Variants in PRKN observed in about 807,000 individuals in gnomAD.
The protein encoded by PRKN is parkin RBR E3 ubiquitin protein ligase, also known as E3 ubiquitin-protein ligase parkin.
In PRKN, 56 loss-of-function variants were observed where a neutral mutation model predicts 59.5. The observed-to-expected ratio is 0.94, with a 90% CI of 0.76 to 1.18. The LOEUF (loss-of-function observed/expected upper bound fraction) is 1.18. Among genes scored for constraint, PRKN ranks in the 50% most tolerant of loss-of-function variants. The pLI is 0.00. For synonymous variants in PRKN, 250 were observed against 222.1 expected, an observed-to-expected ratio of 1.13 and a Z score of -1.12; for missense variants, 657 against 596.4, an observed-to-expected ratio of 1.10 and a Z score of -1.06.
At chr6:162,329,339 G>A (rs995502310) in intron 2 of PRKN, among the ~76,000 whole-genome samples, 12 of 152,102 alleles carry the variant, frequency 7.9e-5, no homozygotes, top group African/African-American at 4.8e-5. Context: ...TAGCCAGTGG[G>A]CATATACGCA....
chr6:162,009,941 A>G (rs1782421207), intron 5 of PRKN, among the ~76,000 whole-genome samples: 1 of 151,538 alleles, frequency 6.6e-6, no homozygotes. Context: ...GCGTCAAAAA[A>G]AAATAAAGTC....
At chr6:162,505,204 C>T (rs1793556722) in intron 1 of PRKN, among the ~76,000 whole-genome samples, 1 of 152,056 alleles carries the variant, frequency 6.6e-6, no homozygotes, top group African/African-American at 2.4e-5. Context: ...GTTCTAGGGG[C>T]ACTATTTTCA....
intron 1 of PRKN, among the ~76,000 whole-genome samples, chr6:162,451,358 T>C (rs1790613620): frequency 7.9e-6 from 1 of 126,680 alleles, no homozygotes; most frequent in Non-Finnish European, 1.6e-5. Context: ...ATTACTGTCC[T>C]TAAAGGAGTA....
At chr6:162,698,891 C>T (rs1239812807) in intron 1 of PRKN, among the ~76,000 whole-genome samples, 1 of 152,198 alleles carries the variant, frequency 6.6e-6, no homozygotes, top group East Asian at 1.9e-4. Context: ...TAATAAATGG[C>T]TTCTTGATCA....
rs571515148 is a variant in PRKN, at chr6:162,710,642, T to C, written c.7+17020A>G. 7.9e-5 allele frequency among the ~76,000 whole-genome samples: 12 copies of C among 152,252 alleles called. No homozygotes were observed. The South Asian group carries it at 2.5e-3, about 32-fold the overall frequency. ...CAATTCTATAATAAGAACTGATGTA[T>C]TACACATTTGCACGGCCTAATCCCT... On this transcript the variant is annotated intron_variant, in intron 1 of 11. Coordinates refer to ENST00000366898, the MANE Select transcript of PRKN (RefSeq NM_004562.3).
At chr6:161,651,367 T>C (rs1247254326) in intron 7 of PRKN, among the ~76,000 whole-genome samples, 2 of 152,210 alleles carry the variant, frequency 1.3e-5, no homozygotes, top group African/African-American at 4.8e-5. Context: ...TCTTCAAGTA[T>C]GGGCCAGGTG....
intron 5 of PRKN, among the ~76,000 whole-genome samples, chr6:161,973,842 G>A (rs1780920668): frequency 6.6e-6 from 1 of 152,184 alleles, no homozygotes; most frequent in Admixed American, 6.5e-5. Flanking sequence ...AGTAACCCAA[G>A]CTCCCCGCAG....
chr6:161,735,153 G>C (rs897542639), intron 7 of PRKN, among the ~76,000 whole-genome samples: 3 of 151,934 alleles, frequency 2.0e-5, no homozygotes, highest in African/African-American at 7.3e-5. Flanking sequence ...TTTGAGACCA[G>C]TCTGGCCAAC....
rs140145400 is a variant in PRKN at position 162,154,810 on chromosome 6, C to T, written c.534+46321G>A. 9.0e-3 allele frequency among the ~76,000 whole-genome samples: 1,370 copies of T among 151,778 alleles called. 24 individuals are homozygous for T. Among genetic ancestry groups the T allele is most frequent in the African/African-American group, 0.031 (1,292 of 41,472 alleles). On this transcript the variant is annotated intron_variant, in intron 4 of 11. Coordinates refer to ENST00000366898, the MANE Select transcript of PRKN (RefSeq NM_004562.3). The stretch of plus-strand genomic sequence containing the variant: ...TCATGTACTCTTTCTTAATAGGAAG[C>T]CATGATTTTTATTTTTTATATGAAT...
intron 9 of PRKN, among the ~76,000 whole-genome samples, chr6:161,510,442 T>C (rs930402305): frequency 2.6e-5 from 4 of 151,836 alleles, no homozygotes; most frequent in African/African-American, 7.3e-5. Context: ...GTCCCTGAGA[T>C]CCCCACATCA....
chr6:162,441,564 T>C (rs1790053223), intron 2 of PRKN, among the ~76,000 whole-genome samples: 1 of 152,180 alleles, frequency 6.6e-6, no homozygotes, highest in Non-Finnish European at 1.5e-5. Context: ...AGCTATTAGG[T>C]TGAACAACAT....
At chr6:161,635,127 T>G (rs143233641) in intron 7 of PRKN, among the ~76,000 whole-genome samples, 1 of 152,174 alleles carries the variant, frequency 6.6e-6, no homozygotes, top group Non-Finnish European at 1.5e-5. Context: ...CCAGTGATAG[T>G]TGATAATTTA....
At chr6:162,606,507 C>T (rs1781920536) in intron 1 of PRKN, among the ~76,000 whole-genome samples, 1 of 152,120 alleles carries the variant, frequency 6.6e-6, no homozygotes, top group South Asian at 2.1e-4. Context: ...ATTGAGAGGT[C>T]ATAAACTTGT....
intron 1 of PRKN, among the ~76,000 whole-genome samples, chr6:162,674,904 C>T (rs1779476743): frequency 6.6e-6 from 1 of 152,098 alleles, no homozygotes; most frequent in Non-Finnish European, 1.5e-5. Context: ...GAAGAATTAG[C>T]ACACAGGAAA....
At chr6:162,616,568 A>C (rs1782430272) in intron 1 of PRKN, among the ~76,000 whole-genome samples, 1 of 152,184 alleles carries the variant, frequency 6.6e-6, no homozygotes, top group Non-Finnish European at 1.5e-5. Flanking sequence ...CAGTTTTTAC[A>C]CTGAAACTGT....
rs961860951 is a variant in PRKN, at chr6:162,448,781, T to C, written c.8-5308A>G. The stretch of plus-strand genomic sequence containing the variant: ...CAAATCCTTATTTCCAGACTTGCCA[T>C]CTCCCTGGACCTTTCTTTCTCTTTC... On this transcript the variant is annotated intron_variant, in intron 1 of 11. Coordinates refer to ENST00000366898, the MANE Select transcript of PRKN (RefSeq NM_004562.3). 2.6e-5 allele frequency among the ~76,000 whole-genome samples: 4 copies of C among 151,348 alleles called. No individual in the cohort carries two copies. The East Asian group carries it at 5.8e-4, about 22-fold the overall frequency.
intron 7 of PRKN, among the ~76,000 whole-genome samples, chr6:161,665,078 G>A (rs1391130842): frequency 2.6e-5 from 4 of 151,944 alleles, no homozygotes; most frequent in African/African-American, 4.8e-5. Context: ...AAGCCACCAC[G>A]CCTGGCCCAA....
intron 4 of PRKN, among the ~76,000 whole-genome samples, chr6:162,117,794 T>C (rs1780736722): frequency 6.6e-6 from 1 of 152,198 alleles, no homozygotes; most frequent in Non-Finnish European, 1.5e-5. Flanking sequence ...GGAAATCAAA[T>C]ATTTAAAAGT....
intron 4 of PRKN, among the ~76,000 whole-genome samples, chr6:162,134,411 G>T (rs1424165175): frequency 1.3e-5 from 2 of 152,150 alleles, no homozygotes; most frequent in Non-Finnish European, 2.9e-5. Context: ...TTGTTTGCTT[G>T]TTTTATAAGT....
Sources: allele counts gnomAD v4.1 joint callset (sites outside exome capture counted in the v4.1 genomes callset), GRCh38; gene constraint gnomAD v4.1.1; transcripts MANE v1.5; gene names NCBI Gene and HGNC (gene_info 2026-07-23, HGNC 2026-07-21).